Variants in UGGT2 observed in about 807,000 individuals in gnomAD.
UGGT2 encodes the protein UDP-glucose glycoprotein glucosyltransferase 2.
Under a neutral mutation model 192.1 loss-of-function variants are expected in UGGT2, and 180 were observed. That is an observed-to-expected ratio of 0.94 (90% confidence interval 0.83 to 1.06). UGGT2 has a LOEUF of 1.06. UGGT2 is among the 50% of genes least tolerant of loss of function. UGGT2 has a pLI of 0.00. For synonymous variants in UGGT2, 580 were observed against 591.0 expected, an observed-to-expected ratio of 0.98 and a Z score of 0.27; for missense variants, 1,849 against 1,795.7, an observed-to-expected ratio of 1.03 and a Z score of -0.54.
At chr13:95,867,761 T>C (rs764773715) in intron 29 of UGGT2, among the ~76,000 whole-genome samples, 6 of 152,156 alleles carry the variant, frequency 3.9e-5, no homozygotes, top group Non-Finnish European at 7.4e-5. Context: ...CCCTGATATA[T>C]TGTAGTGATA....
chr13:95,890,033 C>T (rs1365517650), intron 25 of UGGT2, among the ~76,000 whole-genome samples: 1 of 152,120 alleles, frequency 6.6e-6, no homozygotes, highest in Non-Finnish European at 1.5e-5. Flanking sequence ...CCCAAGGCAG[C>T]CTACACTTAG....
intron 5 of UGGT2, among the ~76,000 whole-genome samples, chr13:96,012,202 G>A (rs2052183384): frequency 6.6e-6 from 1 of 151,960 alleles, no homozygotes; most frequent in Admixed American, 6.6e-5. Context: ...AGACTTGACT[G>A]TTCAACAAAG....
At position 95,846,241 on chromosome 13, in the gene UGGT2, G is replaced by A. The variant is rs549052974; in HGVS notation, c.4284+7302C>T. Among the ~76,000 whole-genome samples, 13 of 152,296 alleles carry A rather than the reference G, an allele frequency of 8.5e-5. No homozygotes were observed. The East Asian group carries it at 9.7e-4, about 11-fold the overall frequency. ...AGCTGGAGACCAGCCTGGCCGACAC[G>A]GCGAAACCCCGTCTCCACCAAAAAA... On this transcript the variant is annotated intron_variant, in intron 36 of 38. Transcript: ENST00000376747.
intron 17 of UGGT2, among the ~76,000 whole-genome samples, chr13:95,927,737 A>G (rs772824981): frequency 3.3e-5 from 5 of 151,970 alleles, no homozygotes; most frequent in Non-Finnish European, 7.4e-5. Context: ...GGGTCACAGG[A>G]CAATAGTGGA....
At chr13:95,969,435 G>A (rs1268746743) in intron 12 of UGGT2, among the ~76,000 whole-genome samples, 1 of 152,058 alleles carries the variant, frequency 6.6e-6, no homozygotes, top group African/African-American at 2.4e-5. Context: ...AACACAACAT[G>A]TAGATTTAAA....
intron 29 of UGGT2, among the ~76,000 whole-genome samples, chr13:95,872,498 T>C (rs867372115): frequency 2.0e-5 from 3 of 152,328 alleles, no homozygotes; most frequent in East Asian, 3.9e-4. Flanking sequence ...TAAATTAGGA[T>C]AAACAATATC....
chr13:95,930,639 A>G lies in UGGT2; in HGVS notation c.1978-3303T>C, dbSNP rs192686282. Among the ~76,000 whole-genome samples the G allele has an allele frequency of 2.2e-3, 336 of 152,276 alleles. 1 individual carries two copies. The highest frequency in any genetic ancestry group is 7.8e-3 in the African/African-American group (324 of 41,562). ...ATGTGTCTATTTTTGTACCAGTACCATGCTGCTCTGGTTACTGTAGCCTCA... is the reference window on the plus strand; with the variant it reads ...ATGTGTCTATTTTTGTACCAGTACCGTGCTGCTCTGGTTACTGTAGCCTCA... On this transcript the variant is annotated intron_variant, in intron 17 of 38. Coordinates refer to ENST00000376747, the MANE Select transcript of UGGT2 (RefSeq NM_020121.4).
intron 1 of UGGT2, among the ~76,000 whole-genome samples, chr13:96,051,613 G>C (rs2053488119): frequency 6.6e-6 from 1 of 151,134 alleles, no homozygotes; most frequent in Non-Finnish European, 1.5e-5. Context: ...TTAATATCCA[G>C]AATCTACAAG....
At chr13:95,859,701 T>A in intron 32 of UGGT2, 26 bp from the exon 33 acceptor site, 2 of 1,532,132 alleles carry the variant, frequency 1.3e-6, no homozygotes, top group Non-Finnish European at 1.8e-6. Flanking sequence ...TTAAACCCAA[T>A]ATACATTAAC....
chr13:95,828,286 C>T (rs923399692), intron 38 of UGGT2, among the ~76,000 whole-genome samples: 1 of 152,028 alleles, frequency 6.6e-6, no homozygotes, highest in African/African-American at 2.4e-5. Flanking sequence ...CAAACGCATC[C>T]AAAAGCTAGC....
chr13:95,927,191 G>A (rs111375453), intron 18 of UGGT2, 22 bp downstream of exon 18: 10 of 1,609,518 alleles, frequency 6.2e-6, no homozygotes, highest in Non-Finnish European at 8.5e-6. Flanking sequence ...AACATTTGTA[G>A]AACAGTATAG....
chr13:96,003,346 C>G (rs945516813), intron 5 of UGGT2, among the ~76,000 whole-genome samples: 1 of 152,124 alleles, frequency 6.6e-6, no homozygotes, highest in African/African-American at 2.4e-5. Flanking sequence ...TCTTCTATCA[C>G]CAGTACTAAG....
At chr13:95,977,260 A>G (rs891832290) in intron 10 of UGGT2, among the ~76,000 whole-genome samples, 2 of 152,192 alleles carry the variant, frequency 1.3e-5, no homozygotes, top group African/African-American at 2.4e-5. Flanking sequence ...CAGAGTGAAC[A>G]GGCAACCTAC....
chr13:96,012,505 G>A lies in UGGT2; in HGVS notation c.660+802C>T, dbSNP rs192140894. Among the ~76,000 whole-genome samples, 110 of 151,788 alleles carry A rather than the reference G, an allele frequency of 7.2e-4. 1 individual carries two copies. The East Asian group carries it at 0.019, about 26-fold the overall frequency. On this transcript the variant is annotated intron_variant, in intron 5 of 38. Coordinates refer to ENST00000376747, the MANE Select transcript of UGGT2 (RefSeq NM_020121.4). ...CTGCGAAGTATGGAAGAAAATATTA[G>A]TATTCAAAATATATTAAAAACACCT...
intron 29 of UGGT2, 145 bp downstream of exon 29, chr13:95,877,134 G>A (rs1182385242): frequency 1.7e-5 from 10 of 585,384 alleles, no homozygotes; most frequent in South Asian, 3.6e-5. Flanking sequence ...TGCCTGCCTC[G>A]GCCTACCAAA....
chr13:95,818,682 G>A (rs73556741), intron 38 of UGGT2, among the ~76,000 whole-genome samples: 2,219 of 152,202 alleles, frequency 0.015, 58 homozygotes, highest in African/African-American at 0.051. Context: ...AGCTTGAACA[G>A]GGCAGGACTG....
chr13:96,038,650 A>G (rs1424744739), intron 1 of UGGT2, among the ~76,000 whole-genome samples: 3 of 152,164 alleles, frequency 2.0e-5, no homozygotes, highest in African/African-American at 7.2e-5. Flanking sequence ...CTGGAGGCCA[A>G]AAGTCTGAAG....
At chr13:96,030,134 A>G (rs1255368079) in intron 2 of UGGT2, among the ~76,000 whole-genome samples, 1 of 152,162 alleles carries the variant, frequency 6.6e-6, no homozygotes, top group Non-Finnish European at 1.5e-5. Context: ...GGTCTCTTCT[A>G]CTCATTTGTG....
At chr13:96,012,216 G>A (rs1182814404) in intron 5 of UGGT2, among the ~76,000 whole-genome samples, 1 of 151,992 alleles carries the variant, frequency 6.6e-6, no homozygotes, top group African/African-American at 2.4e-5. Flanking sequence ...AACAAAGTAT[G>A]TGAAGACCAA....
Sources: gnomAD v4.1 joint callset for allele counts (sites outside exome capture counted in the v4.1 genomes callset) on GRCh38, gnomAD v4.1.1 for gene constraint, MANE v1.5 for transcripts, NCBI Gene and HGNC (gene_info 2026-07-23, HGNC 2026-07-21) for gene names.